The following FAM81A variants were observed in gnomAD, a reference collection of about 807,000 sequenced individuals.
FAM81A encodes protein FAM81A.
In FAM81A, 19 loss-of-function variants were observed where a neutral mutation model predicts 46.7. That is an observed-to-expected ratio of 0.41 (90% CI 0.28 to 0.60). The LOEUF (loss-of-function observed/expected upper bound fraction) is 0.60. FAM81A is among the 20% of genes least tolerant of loss of function. The pLI is 0.34. For synonymous variants in FAM81A, 183 were observed against 152.9 expected (o/e 1.20, Z -1.45); for missense variants, 377 against 453.5 (o/e 0.83, Z 1.53).
At chr15:59,440,028 C>T (rs1390707532) in intron 1 of FAM81A, 12 of 152,248 alleles carry the variant, frequency 7.9e-5, no homozygotes, top group African/African-American at 2.9e-4. Context: ...CTCTAGTGTC[C>T]TCCACCGTCT....
intron 2 of FAM81A, among the ~76,000 whole-genome samples, chr15:59,420,398 C>G (rs1596463629): frequency 1.3e-5 from 2 of 152,180 alleles, no homozygotes; most frequent in African/African-American, 4.8e-5. Flanking sequence ...GCTTCATTGT[C>G]TAACAAAATT....
intron 4 of FAM81A, among the ~76,000 whole-genome samples, chr15:59,504,985 C>G (rs1596538328): frequency 6.6e-6 from 1 of 152,276 alleles, no homozygotes; most frequent in African/African-American, 2.4e-5. Context: ...TCATGTCTTT[C>G]TTCAATTTTA....
At chr15:59,448,711 A>C (rs1201040932) in intron 1 of FAM81A, among the ~76,000 whole-genome samples, 2 of 152,088 alleles carry the variant, frequency 1.3e-5, no homozygotes, top group African/African-American at 2.4e-5. Context: ...TCTGTTGCCC[A>C]AGCTGGAGTG....
rs1341852648 is a variant in FAM81A, at chr15:59,465,766, T to C, written c.294+5560T>C. 1.8e-4 allele frequency among the ~76,000 whole-genome samples: 27 copies of C among 152,214 alleles called. 1 individual carries two copies. Among genetic ancestry groups the C allele is most frequent in the Non-Finnish European group, 1.5e-5 (1 of 68,040 alleles). On this transcript the variant is annotated intron_variant, in intron 3 of 8. Coordinates refer to ENST00000288228, the MANE Select transcript of FAM81A (RefSeq NM_152450.3). ...AACGTGCAGGTTTGATACATAGTTA[T>C]ACATGTGCCATGTTGGTTTGCTGCA...
At chr15:59,488,314 A>C (rs1027779241) in intron 3 of FAM81A, among the ~76,000 whole-genome samples, 8 of 152,258 alleles carry the variant, frequency 5.3e-5, no homozygotes, top group African/African-American at 1.9e-4. Flanking sequence ...AGTTAGTAAT[A>C]TACTAAATGG....
chr15:59,420,388 G>A (rs1214475918), intron 2 of FAM81A, among the ~76,000 whole-genome samples: 2 of 152,162 alleles, frequency 1.3e-5, no homozygotes, highest in Non-Finnish European at 2.9e-5. Context: ...ATGAGAATTA[G>A]CTTCATTGTC....
chr15:59,472,553 C>G (rs1254922121), intron 3 of FAM81A, among the ~76,000 whole-genome samples: 2 of 93,198 alleles, frequency 2.1e-5, no homozygotes, highest in Non-Finnish European at 3.9e-5. Context: ...GTTCCTTTCC[C>G]CATTCCTTTT....
intron 2 of FAM81A, among the ~76,000 whole-genome samples, chr15:59,421,895 C>T (rs929386282): frequency 1.5e-5 from 2 of 135,232 alleles, no homozygotes; most frequent in Non-Finnish European, 3.5e-5. Flanking sequence ...ATCTATCTAT[C>T]TATCTATCTA....
chr15:59,502,855 G>T (rs2082109495), intron 4 of FAM81A, among the ~76,000 whole-genome samples: 1 of 151,940 alleles, frequency 6.6e-6, no homozygotes, highest in African/African-American at 2.4e-5. Flanking sequence ...ATCTTACCTT[G>T]TGCTCTTCTC....
intron 3 of FAM81A, among the ~76,000 whole-genome samples, chr15:59,478,508 G>A (rs1191450958): frequency 6.6e-6 from 1 of 152,134 alleles, no homozygotes; most frequent in Admixed American, 6.5e-5. Context: ...TGTGCTTCCA[G>A]TACTGCCAAT....
At chr15:59,472,399 A>G (rs1399378553) in intron 3 of FAM81A, among the ~76,000 whole-genome samples, 3 of 152,146 alleles carry the variant, frequency 2.0e-5, no homozygotes, top group African/African-American at 7.2e-5. Context: ...GGCTAATTCA[A>G]AGACTGGAAA....
intron 1 of FAM81A, among the ~76,000 whole-genome samples, chr15:59,455,333 T>C (rs2081470582): frequency 6.6e-6 from 1 of 151,872 alleles, no homozygotes; most frequent in East Asian, 1.9e-4. Flanking sequence ...GTGGAATCAC[T>C]GCACAATCAA....
intron 2 of FAM81A, among the ~76,000 whole-genome samples, chr15:59,421,465 C>G (rs1185423228): frequency 6.6e-6 from 1 of 152,112 alleles, no homozygotes; most frequent in African/African-American, 2.4e-5. Flanking sequence ...GGGAGCTCTC[C>G]CTGGTGCTGC....
At chr15:59,447,997 A>C (rs1317090109) in intron 1 of FAM81A, among the ~76,000 whole-genome samples, 1 of 152,136 alleles carries the variant, frequency 6.6e-6, no homozygotes, top group East Asian at 1.9e-4. Flanking sequence ...CAGTCTTCTC[A>C]CTGTGGGGAG....
At chr15:59,440,378 G>T (rs1001305906) in intron 1 of FAM81A, among the ~76,000 whole-genome samples, 2 of 152,078 alleles carry the variant, frequency 1.3e-5, no homozygotes, top group Non-Finnish European at 2.9e-5. Context: ...AACTCTCTGG[G>T]CAATTCTGAT....
intron 4 of FAM81A, among the ~76,000 whole-genome samples, chr15:59,496,604 C>T (rs74914190): frequency 2.7e-5 from 4 of 146,232 alleles, no homozygotes; most frequent in Admixed American, 1.4e-4. Flanking sequence ...GACTCTATCT[C>T]AAAAAAAAAA....
chr15:59,489,241 G>C (rs2081954962), intron 3 of FAM81A, among the ~76,000 whole-genome samples: 1 of 151,794 alleles, frequency 6.6e-6, no homozygotes, highest in African/African-American at 2.4e-5. Context: ...CTCTAGCCGG[G>C]ACAACAGAGC....
chr15:59,492,488 C>T, intron 4 of FAM81A, 99 bp downstream of exon 4: 1 of 928,794 alleles, frequency 1.1e-6, no homozygotes, highest in South Asian at 1.5e-5. Flanking sequence ...AAGCAAATGG[C>T]TTGCATTCCT....
intron 6 of FAM81A, among the ~76,000 whole-genome samples, chr15:59,510,919 G>A (rs761027911): frequency 4.0e-5 from 6 of 151,728 alleles, no homozygotes; most frequent in Non-Finnish European, 5.9e-5. Flanking sequence ...AGGTTGAGGC[G>A]GGCAGATCAC....
Sources: gnomAD v4.1 joint callset for allele counts (sites outside exome capture counted in the v4.1 genomes callset) on GRCh38, gnomAD v4.1.1 for gene constraint, MANE v1.5 for transcripts, NCBI Gene and HGNC (gene_info 2026-07-23, HGNC 2026-07-21) for gene names.